Variants in EXOC2 observed in about 807,000 individuals in gnomAD.
EXOC2 encodes the protein exocyst complex component 2.
A neutral mutation model predicts 131.8 loss-of-function variants in EXOC2; 70 were observed. That is an observed-to-expected ratio of 0.53 (90% CI 0.44 to 0.65). The LOEUF (loss-of-function observed/expected upper bound fraction) is 0.65, where lower values mean the gene tolerates loss of function less well. EXOC2 is among the 30% of genes least tolerant of loss of function. EXOC2 has a pLI of 0.00. For synonymous variants in EXOC2, 411 were observed against 398.4 expected (o/e 1.03, Z -0.38); for missense variants, 923 against 1,108.6 (o/e 0.83, Z 2.38).
chr6:611,082 A>G (rs1760690517), intron 6 of EXOC2, among the ~76,000 whole-genome samples: 1 of 152,238 alleles, frequency 6.6e-6, no homozygotes, highest in Non-Finnish European at 1.5e-5. Flanking sequence ...TGAAACGGAA[A>G]GGAACTTCCT....
intron 4 of EXOC2, among the ~76,000 whole-genome samples, chr6:620,011 A>C (rs1761204364): frequency 1.3e-5 from 2 of 152,252 alleles, no homozygotes; most frequent in African/African-American, 4.8e-5. Context: ...AAATCATCAA[A>C]GTACTAATAA....
At chr6:491,045 T>A in intron 26 of EXOC2, 80 bp downstream of exon 26, 1 of 1,434,382 alleles carries the variant, frequency 7.0e-7, no homozygotes, top group Non-Finnish European at 9.8e-7. Flanking sequence ...TGATCAGTCA[T>A]CTTTACAGAG....
In EXOC2 at chr6:555,908, CTT is replaced by C. The variant is rs779427537; in HGVS notation, c.1992+44_1992+45del. On this transcript the variant is annotated intron_variant, in intron 19 of 27. Coordinates refer to ENST00000230449, the MANE Select transcript of EXOC2 (RefSeq NM_018303.6). ...TAAATAGGAGAGGGGTTGACTGACA[CTT>C]AGTATTATTTGAGGCTTTCAGCATT... 57 of 1,571,926 alleles carry C rather than the reference CTT, an allele frequency of 3.6e-5. No homozygotes were observed. The African/African-American group carries it at 5.3e-4, about 15-fold the overall frequency.
chr6:657,081 C>A, intron 1 of EXOC2: 1 of 664,768 alleles, frequency 1.5e-6, no homozygotes. Flanking sequence ...CTCGGGTTCC[C>A]GGTTGCGGTT....
At chr6:531,916 T>C (rs1463727238) in intron 23 of EXOC2, among the ~76,000 whole-genome samples, 1 of 152,238 alleles carries the variant, frequency 6.6e-6, no homozygotes, top group Non-Finnish European at 1.5e-5. Flanking sequence ...AAAATATATA[T>C]TTTGAAGTGA....
intron 1 of EXOC2, among the ~76,000 whole-genome samples, chr6:676,298 C>T (rs867249206): frequency 1.2e-5 from 1 of 81,038 alleles, no homozygotes; most frequent in South Asian, 5.0e-4. Flanking sequence ...GGAGACTCTG[C>T]GGTTCCCCAT....
rs867160787 is a variant in EXOC2, at chr6:677,088, G to A, written c.-44+15931C>T. 1.1e-4 allele frequency among the ~76,000 whole-genome samples: 6 copies of A among 52,296 alleles called. 2 individuals carry two copies. The highest frequency in any genetic ancestry group is 2.7e-4 in the African/African-American group (5 of 18,688). The allele number at this position is 52,296 out of a possible 152,430, so 34.3% of individuals were successfully genotyped here. The stretch of plus-strand genomic sequence containing the variant: ...GGTTCCCCATACTCTTCAACATTAC[G>A]GAAAGGACAGCTTTCTCTGGAGACT... On this transcript the variant is annotated intron_variant, in intron 1 of 27. Coordinates refer to ENST00000230449, the MANE Select transcript of EXOC2 (RefSeq NM_018303.6).
At chr6:592,386 A>T in intron 11 of EXOC2, 83 bp downstream of exon 11, 2 of 1,182,030 alleles carry the variant, frequency 1.7e-6, no homozygotes, top group Non-Finnish European at 2.5e-6. Context: ...TTAGGTAGTC[A>T]GTGCCTTCAT....
intron 12 of EXOC2, among the ~76,000 whole-genome samples, chr6:575,856 C>T (rs569592150): frequency 6.6e-6 from 1 of 152,138 alleles, no homozygotes; most frequent in South Asian, 2.1e-4. Flanking sequence ...AATGTAGGAG[C>T]AAACGGTTCT....
At chr6:681,126 CA>C (rs1220502778) in intron 1 of EXOC2, among the ~76,000 whole-genome samples, 1 of 152,178 alleles carries the variant, frequency 6.6e-6, no homozygotes, top group Non-Finnish European at 1.5e-5. Flanking sequence ...TAAATCTGGT[CA>C]CAAGAGCAAC....
chr6:561,541 A>G (rs1757698256), intron 17 of EXOC2, among the ~76,000 whole-genome samples: 1 of 152,184 alleles, frequency 6.6e-6, no homozygotes, highest in Non-Finnish European at 1.5e-5. Flanking sequence ...ATTTCATTCT[A>G]GTTTCCTTAT....
At chr6:633,142 CA>C in intron 2 of EXOC2, 25 bp from the exon 3 acceptor site, 1 of 1,605,370 alleles carries the variant, frequency 6.2e-7, no homozygotes, top group South Asian at 1.1e-5. Flanking sequence ...ATGTGCATAA[CA>C]AAATTCAAAG....
Position 504,085 on chromosome 6 carries a change from C to G in EXOC2, c.2381-4385G>C, listed in dbSNP as rs1333054026. Among the ~76,000 whole-genome samples the G allele has an allele frequency of 8.5e-5, 13 of 152,338 alleles. No homozygotes were observed. In the East Asian group the frequency reaches 2.3e-3, roughly 27 times the overall value. On this transcript the variant is annotated intron_variant, in intron 23 of 27. Coordinates refer to ENST00000230449, the MANE Select transcript of EXOC2 (RefSeq NM_018303.6). ...CGCTGGCTCCATGCAGCTCTGACGG[C>G]CAACACCGTTGGCAAAAGCAGTAGC...
At chr6:501,119 CTATATATATTATATA>C (rs1764032702) in intron 23 of EXOC2, among the ~76,000 whole-genome samples, 1 of 62,602 alleles carries the variant, frequency 1.6e-5, no homozygotes, top group Admixed American at 2.5e-4. Flanking sequence ...TTATATATAT[CTATATATATTATATA>C]TATCTATATA....
intron 1 of EXOC2, among the ~76,000 whole-genome samples, chr6:664,025 T>C (rs1443816675): frequency 6.6e-6 from 1 of 152,184 alleles, no homozygotes; most frequent in Non-Finnish European, 1.5e-5. Flanking sequence ...ATCGTTTACC[T>C]TGAAAACTCT....
intron 11 of EXOC2, among the ~76,000 whole-genome samples, chr6:586,676 C>T: frequency 6.6e-6 from 1 of 152,308 alleles, no homozygotes; most frequent in African/African-American, 2.4e-5. Context: ...CTGTTTGATG[C>T]AATATTTGCT....
intron 23 of EXOC2, among the ~76,000 whole-genome samples, chr6:522,003 G>A (rs1266343556): frequency 6.6e-6 from 1 of 152,156 alleles, no homozygotes; most frequent in Admixed American, 6.5e-5. Context: ...TTTTATTGAT[G>A]TTCATTTTCA....
At chr6:491,207 A>C in intron 25 of EXOC2, 21 bp from the exon 26 acceptor site, 1 of 1,613,220 alleles carries the variant, frequency 6.2e-7, no homozygotes, top group East Asian at 2.2e-5. Context: ...GAAAAAGACA[A>C]AGTGACAACA....
At chr6:493,743 G>A (rs1398051072) in intron 25 of EXOC2, among the ~76,000 whole-genome samples, 1 of 152,064 alleles carries the variant, frequency 6.6e-6, no homozygotes, top group Non-Finnish European at 1.5e-5. Context: ...GTGGGAGAGT[G>A]AAGCGGGAGT....
Sources: gnomAD v4.1 joint callset for allele counts (sites outside exome capture counted in the v4.1 genomes callset) on GRCh38, gnomAD v4.1.1 for gene constraint, MANE v1.5 for transcripts, NCBI Gene and HGNC (gene_info 2026-07-23, HGNC 2026-07-21) for gene names.